The following JMJD1C variants were observed in gnomAD, a reference collection of about 807,000 sequenced individuals.
JMJD1C encodes the protein jumonji domain-containing protein 1C.
Under a neutral mutation model 245.3 loss-of-function variants are expected in JMJD1C, and 31 were observed. The observed-to-expected ratio is 0.13, with a 90% CI of 0.09 to 0.17. JMJD1C has a LOEUF of 0.17. JMJD1C is among the 10% of genes least tolerant of loss of function. The pLI is 1.00. For missense variants in JMJD1C, 2,691 were observed against 3,000.2 expected, an observed-to-expected ratio of 0.90 and a Z score of 2.41; for synonymous variants, 1,057 against 1,017.4, an observed-to-expected ratio of 1.04 and a Z score of -0.74.
At chr10:63,453,321 A>G (rs1952190128) in intron 1 of JMJD1C, among the ~76,000 whole-genome samples, 1 of 152,204 alleles carries the variant, frequency 6.6e-6, no homozygotes, top group Non-Finnish European at 1.5e-5. Flanking sequence ...TTTGTTACAT[A>G]TATTTTACAA....
intron 2 of JMJD1C, among the ~76,000 whole-genome samples, chr10:63,282,262 CA>C (rs2133892798): frequency 6.6e-6 from 1 of 152,280 alleles, no homozygotes; most frequent in African/African-American, 2.4e-5. Context: ...ATGAGATACA[CA>C]ATTTCCATTA....
At chr10:63,364,021 A>C (rs1438317870) in intron 2 of JMJD1C, among the ~76,000 whole-genome samples, 1 of 151,260 alleles carries the variant, frequency 6.6e-6, no homozygotes, top group Non-Finnish European at 1.5e-5. Context: ...ATTCTTGGCT[A>C]ATTTTTGTAT....
intron 1 of JMJD1C, among the ~76,000 whole-genome samples, chr10:63,424,362 T>C (rs1950306616): frequency 1.3e-5 from 2 of 152,004 alleles, no homozygotes; most frequent in Non-Finnish European, 2.9e-5. Context: ...CCACTGCACA[T>C]GGCCTGTATT....
At chr10:63,471,401 A>G (rs559865090) in intron 1 of JMJD1C, among the ~76,000 whole-genome samples, 1 of 152,244 alleles carries the variant, frequency 6.6e-6, no homozygotes, top group Non-Finnish European at 1.5e-5. Flanking sequence ...TAGGTATTAT[A>G]TAATGAAGGA....
At chr10:63,322,359 G>C (rs1940974345) in intron 2 of JMJD1C, among the ~76,000 whole-genome samples, 1 of 152,098 alleles carries the variant, frequency 6.6e-6, no homozygotes, top group Admixed American at 6.6e-5. Flanking sequence ...TTAGTTAAAA[G>C]GTATATGCCA....
intron 1 of JMJD1C, among the ~76,000 whole-genome samples, chr10:63,440,102 A>C (rs1160479753): frequency 6.6e-6 from 1 of 152,210 alleles, no homozygotes; most frequent in Non-Finnish European, 1.5e-5. Flanking sequence ...TGGGAGGCCA[A>C]GGTGGGCGGA....
chr10:63,226,986 T>G (rs1849367826), intron 3 of JMJD1C, among the ~76,000 whole-genome samples: 2 of 152,224 alleles, frequency 1.3e-5, no homozygotes, highest in African/African-American at 4.8e-5. Context: ...GAGAATCCCT[T>G]GAACCTGGGA....
chr10:63,485,587 T>C (rs192224420), intron 1 of JMJD1C, among the ~76,000 whole-genome samples: 4 of 152,266 alleles, frequency 2.6e-5, no homozygotes, highest in Admixed American at 2.6e-4. Context: ...GTATTAAAAA[T>C]AAATCCAAAT....
chr10:63,314,538 C>T (rs929620523), intron 2 of JMJD1C, among the ~76,000 whole-genome samples: 1 of 139,170 alleles, frequency 7.2e-6, no homozygotes, highest in Non-Finnish European at 1.6e-5. Context: ...CAGAGTGAGA[C>T]CCTGTCACAA....
At chr10:63,434,276 T>C (rs1450662155) in intron 1 of JMJD1C, among the ~76,000 whole-genome samples, 2 of 152,074 alleles carry the variant, frequency 1.3e-5, no homozygotes, top group East Asian at 1.9e-4. Flanking sequence ...ACAAAAAACC[T>C]GGAAAAACAG....
Position 63,214,776 on chromosome 10 carries a change from G to A in JMJD1C, c.1391C>T (p.Ser464Leu), listed in dbSNP as rs201514908. 95 of 1,613,350 alleles carry A rather than the reference G, an allele frequency of 5.9e-5. 1 individual carries two copies. In the African/African-American group the frequency reaches 7.5e-4, roughly 13 times the overall value. Residue 464 changes from serine (S) to leucine (L), a missense_variant, in exon 8 of 26, where the codon TCG becomes TTG. Coordinates refer to ENST00000399262, the MANE Select transcript of JMJD1C (RefSeq NM_032776.3). Reference protein sequence around the residue: ...TQLQEDMIIHSSEQSTVSDHN... With the variant: ...TQLQEDMIIHLSEQSTVSDHN... ...ATCAGAAACTGTGGACTGTTCTGAC[G>A]AATGAATAATCATATCTTCTTGAAG...
chr10:63,322,659 A>G (rs10740114), intron 2 of JMJD1C, among the ~76,000 whole-genome samples: 100,775 of 151,492 alleles, frequency 0.67, 36,094 homozygotes, highest in Non-Finnish European at 0.81. Context: ...CTAAAAATAC[A>G]AAAATTAGTG....
At chr10:63,373,713 T>C (rs1441255137) in intron 2 of JMJD1C, among the ~76,000 whole-genome samples, 1 of 152,226 alleles carries the variant, frequency 6.6e-6, no homozygotes, top group Non-Finnish European at 1.5e-5. Flanking sequence ...TTCATTCTAT[T>C]GCCATCTCAT....
intron 1 of JMJD1C, among the ~76,000 whole-genome samples, chr10:63,515,515 C>T (rs1209105244): frequency 6.6e-6 from 1 of 152,196 alleles, no homozygotes; most frequent in Non-Finnish European, 1.5e-5. Flanking sequence ...CCTCCAGCAA[C>T]TCCTCAATTA....
At chr10:63,235,134 C>T (rs796140185) in intron 3 of JMJD1C, among the ~76,000 whole-genome samples, 1 of 152,202 alleles carries the variant, frequency 6.6e-6, no homozygotes, top group African/African-American at 2.4e-5. Context: ...CTTGATGCAG[C>T]GTTTCAGATA....
In JMJD1C at chr10:63,207,060, G is replaced by T. The variant is rs1846715095; in HGVS notation, c.4609C>A (p.Gln1537Lys). ...INKANSVGNG[Q>K]ASQTSQPNYH... ...TTTGGTTGACTTGTCTGGGAAGCTT[G>T]CCCATTTCCTACAGAGTTTGCTTTG... Residue 1537 changes from glutamine (Q) to lysine (K), a missense_variant, in exon 10 of 26, where the codon CAA becomes AAA. Around this residue, in one of 9 missense-constraint regions of JMJD1C, gnomAD observed 1,562 missense variants for 1,490.7 expected, o/e 1.05. Coordinates refer to ENST00000399262, the MANE Select transcript of JMJD1C (RefSeq NM_032776.3). 1 of 1,614,166 alleles carries T rather than the reference G, an allele frequency of 6.2e-7. No homozygotes were observed. The highest frequency in any genetic ancestry group is 8.5e-7 in the Non-Finnish European group (1 of 1,180,018).
intron 3 of JMJD1C, among the ~76,000 whole-genome samples, chr10:63,230,425 A>G (rs1048258380): frequency 1.3e-5 from 2 of 152,146 alleles, no homozygotes; most frequent in African/African-American, 4.8e-5. Flanking sequence ...TTTGAATACC[A>G]TTCATTTTCA....
At chr10:63,285,495 T>C (rs1162551412) in intron 2 of JMJD1C, among the ~76,000 whole-genome samples, 2 of 152,212 alleles carry the variant, frequency 1.3e-5, no homozygotes, top group Admixed American at 1.3e-4. Context: ...GTCTGACTCT[T>C]GTCTCCTTCC....
At chr10:63,260,560 A>G (rs1245501407) in intron 3 of JMJD1C, among the ~76,000 whole-genome samples, 1 of 152,086 alleles carries the variant, frequency 6.6e-6, no homozygotes, top group East Asian at 1.9e-4. Context: ...GTAAAGCAAC[A>G]ATACCACAGA....
Sources: allele counts gnomAD v4.1 joint callset (sites outside exome capture counted in the v4.1 genomes callset), GRCh38; gene constraint gnomAD v4.1.1; regional missense constraint gnomAD v4.1.1; transcripts MANE v1.5; gene names NCBI Gene and HGNC (gene_info 2026-07-23, HGNC 2026-07-21).